Variants in TMEM217B observed in about 807,000 individuals in gnomAD.
TMEM217B encodes putative transmembrane protein 217B.
At chr6:37,212,559 C>A in the TMEM217B span, 1 of 462,602 alleles carries the variant, frequency 2.2e-6, no homozygotes, top group South Asian at 1.5e-5. Context: ...CGATGAAGGG[C>A]AGACAGAAAA....
At chr6:37,253,349 A>G in the TMEM217B span, among the ~76,000 whole-genome samples, 1 of 152,234 alleles carries the variant, frequency 6.6e-6, no homozygotes, top group Non-Finnish European at 1.5e-5. Flanking sequence ...CTTGCCAGGT[A>G]TGGTGACTTC....
chr6:37,249,850 G>A, the TMEM217B span, among the ~76,000 whole-genome samples: 1 of 152,200 alleles, frequency 6.6e-6, no homozygotes, highest in Non-Finnish European at 1.5e-5. Context: ...GCAGTATTTT[G>A]CAAAGTTGAA....
At chr6:37,218,300 C>T in the TMEM217B span, 1 of 1,190,508 alleles carries the variant, frequency 8.4e-7, no homozygotes, top group Non-Finnish European at 1.1e-6. Flanking sequence ...TCTCAAGTGG[C>T]TGGGATTACA....
At chr6:37,247,952 G>T in the TMEM217B span, among the ~76,000 whole-genome samples, 2 of 152,302 alleles carry the variant, frequency 1.3e-5, no homozygotes, top group East Asian at 3.9e-4. Context: ...GAGGATGAGG[G>T]ATGTGGGTGA....
At chr6:37,219,160 TG>T in the TMEM217B span, 2 of 873,294 alleles carry the variant, frequency 2.3e-6, no homozygotes, top group Non-Finnish European at 3.5e-6. Context: ...ATACGAAAAC[TG>T]GGAAACTATA....
At chr6:37,258,022 A>G in the TMEM217B span, 3 of 1,596,892 alleles carry the variant, frequency 1.9e-6, no homozygotes, top group Non-Finnish European at 1.7e-6. Flanking sequence ...AAACCCTTCC[A>G]GATCCTAATC....
At chr6:37,239,084 A>G in the TMEM217B span, among the ~76,000 whole-genome samples, 3 of 152,232 alleles carry the variant, frequency 2.0e-5, no homozygotes, top group African/African-American at 7.2e-5. Flanking sequence ...GTGAGCCGAG[A>G]TCATGCCACT....
the TMEM217B span, chr6:37,258,127 C>G: frequency 1.2e-6 from 1 of 828,756 alleles, no homozygotes; most frequent in Admixed American, 3.2e-5. Flanking sequence ...TGTCAGGCAG[C>G]GAAGCGAACA....
chr6:37,240,241 A>AGGTGG, the TMEM217B span, among the ~76,000 whole-genome samples: 6 of 152,328 alleles, frequency 3.9e-5, no homozygotes, highest in South Asian at 8.3e-4. Context: ...AGAGTAGCGT[A>AGGTGG]GGTGGGTGGT....
chr6:37,254,157 G>T, the TMEM217B span, among the ~76,000 whole-genome samples: 1 of 152,180 alleles, frequency 6.6e-6, no homozygotes, highest in African/African-American at 2.4e-5. Flanking sequence ...GAGCTTGTTA[G>T]AAATTCTGAG....
the TMEM217B span, among the ~76,000 whole-genome samples, chr6:37,229,468 G>A: frequency 3.5e-5 from 5 of 144,192 alleles, no homozygotes; most frequent in East Asian, 1.1e-3. Context: ...TCAGCCTCCC[G>A]AGTAGCTGGG....
At chr6:37,231,226 ATTTTTTTTTT>A in the TMEM217B span, among the ~76,000 whole-genome samples, 2 of 87,444 alleles carry the variant, frequency 2.3e-5, no homozygotes, top group African/African-American at 9.1e-5. Context: ...TGCCTGGCTA[ATTTTTTTTTT>A]TTTTTTTTTT....
At chr6:37,218,209 A>T in the TMEM217B span, 1 of 1,287,710 alleles carries the variant, frequency 7.8e-7, no homozygotes, top group East Asian at 3.2e-5. Context: ...TTACTCTGTC[A>T]CTCAGGCTGA....
chr6:37,252,477 A>T, the TMEM217B span, among the ~76,000 whole-genome samples: 13 of 151,720 alleles, frequency 8.6e-5, no homozygotes, highest in Non-Finnish European at 1.5e-4. Flanking sequence ...GTATACATAC[A>T]TAACATACAT....
At chr6:37,227,402 A>T in the TMEM217B span, among the ~76,000 whole-genome samples, 4 of 151,338 alleles carry the variant, frequency 2.6e-5, no homozygotes, top group African/African-American at 4.9e-5. Context: ...ATGCGGCAAA[A>T]CTTCCAAGTG....
the TMEM217B span, among the ~76,000 whole-genome samples, chr6:37,221,685 A>G: frequency 6.6e-6 from 1 of 152,200 alleles, no homozygotes; most frequent in Non-Finnish European, 1.5e-5. Context: ...TGGGGTGTCA[A>G]TTTTCTGGCC....
the TMEM217B span, among the ~76,000 whole-genome samples, chr6:37,247,292 C>T: frequency 6.6e-6 from 1 of 151,954 alleles, no homozygotes; most frequent in Admixed American, 6.5e-5. Flanking sequence ...GATTTGAGTC[C>T]AAGTAGTTTA....
the TMEM217B span, among the ~76,000 whole-genome samples, chr6:37,231,979 C>T: frequency 6.6e-6 from 1 of 151,870 alleles, no homozygotes; most frequent in African/African-American, 2.4e-5. Context: ...AGGTGGGACC[C>T]AGGCAAAAAT....
chr6:37,227,752 A>C, the TMEM217B span, among the ~76,000 whole-genome samples: 1 of 151,758 alleles, frequency 6.6e-6, no homozygotes, highest in Non-Finnish European at 1.5e-5. Context: ...CTCAGCCTAA[A>C]TGTTTATTAT....
Sources: allele counts gnomAD v4.1 joint callset (sites outside exome capture counted in the v4.1 genomes callset), GRCh38; gene constraint gnomAD v4.1.1; transcripts MANE v1.5; gene names NCBI Gene and HGNC (gene_info 2026-07-23, HGNC 2026-07-21).